Variants in ALK observed in about 807,000 individuals in gnomAD.
ALK encodes ALK receptor tyrosine kinase, also known as ALK tyrosine kinase receptor.
A neutral mutation model predicts 163.1 loss-of-function variants in ALK; 74 were observed. That is an observed-to-expected ratio of 0.45 (90% CI 0.38 to 0.55). The LOEUF (loss-of-function observed/expected upper bound fraction) is 0.55, where lower values mean the gene tolerates loss of function less well. Ranked by LOEUF, ALK falls within the 20% of genes least tolerant of loss-of-function variation. The pLI, the probability that ALK is intolerant of heterozygous loss-of-function variation, is 0.00. For missense variants in ALK, 2,063 were observed against 2,105.3 expected (o/e 0.98, Z 0.39); for synonymous variants, 960 against 843.2 (o/e 1.14, Z -2.40).
At chr2:29,632,564 T>C (rs1246555156) in intron 3 of ALK, among the ~76,000 whole-genome samples, 1 of 152,166 alleles carries the variant, frequency 6.6e-6, no homozygotes, top group Non-Finnish European at 1.5e-5. Context: ...GAAAAATCTT[T>C]CTCTCTCCCC....
At chr2:29,482,762 A>T (rs548137464) in intron 4 of ALK, among the ~76,000 whole-genome samples, 1 of 152,118 alleles carries the variant, frequency 6.6e-6, no homozygotes, top group East Asian at 1.9e-4. Context: ...AACAACAACA[A>T]CAACAAAAAC....
At chr2:29,722,474 C>CT (rs764869640) in intron 1 of ALK, among the ~76,000 whole-genome samples, 2 of 152,218 alleles carry the variant, frequency 1.3e-5, no homozygotes, top group Non-Finnish European at 1.5e-5. Flanking sequence ...TTTAAAAACT[C>CT]TGACTTTTCT....
intron 1 of ALK, among the ~76,000 whole-genome samples, chr2:29,874,305 A>G (rs541642340): frequency 6.6e-6 from 1 of 151,952 alleles, no homozygotes; most frequent in African/African-American, 2.4e-5. Context: ...CAGTACGAAA[A>G]GTGCTGTGTT....
At position 29,646,089 on chromosome 2, in the gene ALK, C is replaced by T. The variant is rs538403986; in HGVS notation, c.952+48761G>A. Among the ~76,000 whole-genome samples, 30 of 152,240 alleles carry T rather than the reference C, an allele frequency of 2.0e-4. 1 individual carries two copies. The highest frequency in any genetic ancestry group is 7.2e-4 in the African/African-American group (30 of 41,572). ...TCTCTCTTCCTTCTTAAGATCTCCA[C>T]TTGGCCATTGTTATGGATTGAATGA... is the stretch of plus-strand genomic sequence containing the variant. On this transcript the variant is annotated intron_variant, in intron 3 of 28. Coordinates refer to ENST00000389048, the MANE Select transcript of ALK (RefSeq NM_004304.5).
intron 3 of ALK, among the ~76,000 whole-genome samples, chr2:29,580,142 A>G (rs1674638784): frequency 6.6e-6 from 1 of 152,054 alleles, no homozygotes; most frequent in African/African-American, 2.4e-5. Context: ...TGTCCACATG[A>G]TTCTTATATT....
chr2:29,668,160 T>C (rs968972522), intron 3 of ALK, among the ~76,000 whole-genome samples: 3 of 152,038 alleles, frequency 2.0e-5, no homozygotes, highest in East Asian at 3.9e-4. Flanking sequence ...AATTTCATTA[T>C]TTGAGTATTC....
At chr2:29,256,077 G>A (rs566578868) in intron 11 of ALK, among the ~76,000 whole-genome samples, 3 of 152,336 alleles carry the variant, frequency 2.0e-5, no homozygotes, top group South Asian at 4.1e-4. Flanking sequence ...TTTCAAAAGT[G>A]TTGCTGAAGT....
At chr2:29,864,056 T>A (rs1666363368) in intron 1 of ALK, among the ~76,000 whole-genome samples, 1 of 152,184 alleles carries the variant, frequency 6.6e-6, no homozygotes, top group Admixed American at 6.5e-5. Flanking sequence ...AAAATATAAG[T>A]ACTATTGTCC....
chr2:29,745,981 C>A (rs547441282), intron 1 of ALK, among the ~76,000 whole-genome samples: 6 of 152,298 alleles, frequency 3.9e-5, no homozygotes, highest in South Asian at 4.2e-4. Context: ...ATAATAATAG[C>A]AATCTTAATG....
At chr2:29,204,799 G>C (rs780449166) in intron 26 of ALK, among the ~76,000 whole-genome samples, 11 of 152,212 alleles carry the variant, frequency 7.2e-5, no homozygotes, top group Non-Finnish European at 1.5e-4. Context: ...ATGTTGGCAA[G>C]GCTAGTCTCG....
At chr2:29,865,080 G>T (rs968184144) in intron 1 of ALK, among the ~76,000 whole-genome samples, 1 of 152,212 alleles carries the variant, frequency 6.6e-6, no homozygotes, top group African/African-American at 2.4e-5. Flanking sequence ...GCTGCCAACA[G>T]TTAAATTAGC....
intron 4 of ALK, among the ~76,000 whole-genome samples, chr2:29,473,611 A>C (rs1671424263): frequency 1.3e-5 from 2 of 152,214 alleles, no homozygotes; most frequent in Admixed American, 1.3e-4. Context: ...AGAAATATTC[A>C]ATAAGCATAT....
At chr2:29,712,321 A>G (rs1679126873) in intron 2 of ALK, among the ~76,000 whole-genome samples, 2 of 152,176 alleles carry the variant, frequency 1.3e-5, no homozygotes, top group Non-Finnish European at 2.9e-5. Context: ...GCTAGGAAAG[A>G]GCTTGACCCC....
chr2:29,606,639 C>G (rs142280432), intron 3 of ALK, among the ~76,000 whole-genome samples: 3 of 152,296 alleles, frequency 2.0e-5, no homozygotes, highest in African/African-American at 7.2e-5. Flanking sequence ...CTAATCTGGC[C>G]CATTGCCTGT....
At chr2:29,298,827 C>T (rs756223138) in intron 8 of ALK, among the ~76,000 whole-genome samples, 44 of 152,200 alleles carry the variant, frequency 2.9e-4, no homozygotes, top group Admixed American at 8.5e-4. Flanking sequence ...CTGTCTTCCA[C>T]GTTAGCCCAG....
intron 24 of ALK, among the ~76,000 whole-genome samples, chr2:29,212,469 A>G (rs1418791602): frequency 6.6e-6 from 1 of 152,188 alleles, no homozygotes; most frequent in African/African-American, 2.4e-5. Context: ...GGCTTCCATT[A>G]TTTCTATGAA....
intron 1 of ALK, among the ~76,000 whole-genome samples, chr2:29,847,045 C>T (rs1471241206): frequency 2.0e-5 from 3 of 152,156 alleles, no homozygotes; most frequent in Admixed American, 6.5e-5. Context: ...TGCAGGGAAA[C>T]GTGAAAGGAG....
chr2:29,686,655 C>A (rs1162499158), intron 3 of ALK, among the ~76,000 whole-genome samples: 1 of 152,182 alleles, frequency 6.6e-6, no homozygotes, highest in Admixed American at 6.5e-5. Context: ...CCTTGCTCCA[C>A]ATGCCTATCT....
chr2:29,686,785 T>C (rs1678253818), intron 3 of ALK, among the ~76,000 whole-genome samples: 1 of 152,164 alleles, frequency 6.6e-6, no homozygotes, highest in Non-Finnish European at 1.5e-5. Flanking sequence ...AGGTGAACAA[T>C]ACTTCCCTGG....
Sources: allele counts gnomAD v4.1 joint callset (sites outside exome capture counted in the v4.1 genomes callset), GRCh38; gene constraint gnomAD v4.1.1; transcripts MANE v1.5; gene names NCBI Gene and HGNC (gene_info 2026-07-23, HGNC 2026-07-21).